The following ZC3H18 variants were observed in gnomAD, a reference collection of about 807,000 sequenced individuals.
ZC3H18 encodes zinc finger CCCH domain-containing protein 18.
In ZC3H18, 8 loss-of-function variants were observed where a neutral mutation model predicts 106.1. That is an observed-to-expected ratio of 0.08 (90% CI 0.04 to 0.14). The LOEUF is 0.14. ZC3H18 is among the 10% of genes least tolerant of loss of function. The pLI, the probability that ZC3H18 is intolerant of heterozygous loss-of-function variation, is 1.00. For synonymous variants in ZC3H18, 635 were observed against 522.1 expected (o/e 1.22, Z -2.95); for missense variants, 1,318 against 1,278.4 (o/e 1.03, Z -0.47).
intron 8 of ZC3H18, among the ~76,000 whole-genome samples, chr16:88,618,010 G>C (rs1395872981): frequency 6.6e-6 from 1 of 152,246 alleles, no homozygotes; most frequent in Admixed American, 6.5e-5. Context: ...TTCTGGGTAA[G>C]GGACTAGTGG....
intron 13 of ZC3H18, 186 bp downstream of exon 13, chr16:88,625,453 G>A (rs946942748): frequency 3.0e-4 from 201 of 666,824 alleles, no homozygotes; most frequent in Middle Eastern, 6.5e-4. Context: ...GCCAGGACTC[G>A]TGATAGGAAG....
Position 88,601,853 on chromosome 16 carries a change from A to G in ZC3H18, c.1088+1905A>G, listed in dbSNP as rs565089699. 3.3e-5 allele frequency among the ~76,000 whole-genome samples: 5 copies of G among 151,942 alleles called. No homozygotes were observed. The South Asian group carries it at 6.3e-4, about 19-fold the overall frequency. On this transcript the variant is annotated intron_variant, in intron 6 of 17. Transcript: ENST00000301011. ...ACCTCTGGGAACAGGGTCAGGGTGC[A>G]TGTGTCACAGTGGCGAGGTGCCCTG...
rs750900154 is a variant in ZC3H18 at position 88,627,733 on chromosome 16, C to G, written c.2220C>G (p.Ser740=). Residue 740 remains serine (S), a synonymous_variant, in exon 14 of 18, where the codon TCC becomes TCG. Transcript: ENST00000301011. The surrounding 1 kb of genome is among the most constrained non-coding windows in gnomAD (Gnocchi z 4.5). Reference sequence around the variant, plus strand: ...ACGCAGACCTGGCTAGCCCCGTGTCCTCAGCCAGCTCTCGGTCCCCGGCCC... The same window carrying G: ...ACGCAGACCTGGCTAGCCCCGTGTCGTCAGCCAGCTCTCGGTCCCCGGCCC... ...DMYADLASPV[S]SASSRSPAPA... is the part of the protein sequence containing the mutation. 1 of 1,613,286 alleles carries G rather than the reference C, an allele frequency of 6.2e-7. No homozygotes were observed.
At chr16:88,597,104 G>A (rs1044141995) in intron 3 of ZC3H18, among the ~76,000 whole-genome samples, 1 of 152,102 alleles carries the variant, frequency 6.6e-6, no homozygotes, top group Non-Finnish European at 1.5e-5. Flanking sequence ...GTATTTTTTA[G>A]TAGAGACGGG....
At chr16:88,571,569 C>T in intron 1 of ZC3H18, 4 of 969,068 alleles carry the variant, frequency 4.1e-6, no homozygotes, top group Non-Finnish European at 4.9e-6. Context: ...AGCCCTGGAA[C>T]CAGTCAAATG....
chr16:88,621,895 T>C (rs191399575), intron 8 of ZC3H18, among the ~76,000 whole-genome samples: 1 of 152,200 alleles, frequency 6.6e-6, no homozygotes, highest in African/African-American at 2.4e-5. Flanking sequence ...GACAGCGTAG[T>C]TGGAAAGATG....
chr16:88,629,451 G>A (rs1906523259), intron 16 of ZC3H18, among the ~76,000 whole-genome samples: 1 of 152,220 alleles, frequency 6.6e-6, no homozygotes, highest in Non-Finnish European at 1.5e-5. Flanking sequence ...ACTGCAGCTT[G>A]GGCAACAAGA....
rs766492051 is a variant in ZC3H18 at position 88,577,270 on chromosome 16, G to A, written c.147G>A (p.Glu49=). ...CGGGGGTGAGGGCTTCTGATCTGGA[G>A]GATGAGGAAAGTGCAGCCAGGGGGC... The part of the protein sequence containing the change: ...DGAGVRASDL[E]DEESAARGPS... The change falls in exon 2 of 18, where the codon GAG becomes GAA. Residue 49 remains glutamate (E), a synonymous_variant. Transcript: ENST00000301011. 6.8e-6 allele frequency: 11 copies of A among 1,613,578 alleles called. No individual in the cohort carries two copies. The highest frequency in any genetic ancestry group is 8.5e-6 in the Non-Finnish European group (10 of 1,179,812).
intron 3 of ZC3H18, chr16:88,587,637 C>T (rs1468715744): frequency 4.6e-6 from 7 of 1,524,576 alleles, no homozygotes; most frequent in Non-Finnish European, 6.2e-6. Context: ...TATATTCACT[C>T]TCTTCAGTAC....
At chr16:88,582,214 C>CTTTTTTTT (rs1555533198) in intron 2 of ZC3H18, among the ~76,000 whole-genome samples, 1 of 78,854 alleles carries the variant, frequency 1.3e-5, no homozygotes, top group Non-Finnish European at 2.5e-5. Flanking sequence ...TTTCCTTTTT[C>CTTTTTTTT]TTTTCTTTTT....
intron 6 of ZC3H18, among the ~76,000 whole-genome samples, chr16:88,607,168 G>A (rs1485932192): frequency 6.6e-6 from 1 of 152,176 alleles, no homozygotes; most frequent in Non-Finnish European, 1.5e-5. Context: ...AATCCCCTCT[G>A]TCCCTGAGAT....
At chr16:88,604,099 C>G (rs1904891321) in intron 6 of ZC3H18, among the ~76,000 whole-genome samples, 1 of 152,060 alleles carries the variant, frequency 6.6e-6, no homozygotes, top group Non-Finnish European at 1.5e-5. Flanking sequence ...TGTCTATAAT[C>G]CTAGTGTTTT....
intron 8 of ZC3H18, among the ~76,000 whole-genome samples, chr16:88,617,108 G>A (rs898419797): frequency 6.6e-6 from 1 of 152,184 alleles, no homozygotes; most frequent in Non-Finnish European, 1.5e-5. Context: ...GCTATCTGAT[G>A]GCCAGCCCTC....
intron 3 of ZC3H18, among the ~76,000 whole-genome samples, chr16:88,594,385 T>G (rs1340674540): frequency 6.6e-6 from 1 of 152,128 alleles, no homozygotes; most frequent in African/African-American, 2.4e-5. Flanking sequence ...CACAGGGAAT[T>G]GATATTTACT....
At chr16:88,570,877 C>G (rs1250451108) in intron 1 of ZC3H18, among the ~76,000 whole-genome samples, 1 of 152,260 alleles carries the variant, frequency 6.6e-6, no homozygotes, top group Non-Finnish European at 1.5e-5. Context: ...CTCTTCCGGG[C>G]CACTCGCGTG....
At chr16:88,600,071 C>A (rs1904668270) in intron 6 of ZC3H18, 123 bp downstream of exon 6, 1 of 1,243,540 alleles carries the variant, frequency 8.0e-7, no homozygotes, top group Non-Finnish European at 1.1e-6. Flanking sequence ...TCACTGGAGT[C>A]TCAGTGACGT....
intron 3 of ZC3H18, among the ~76,000 whole-genome samples, chr16:88,593,755 G>T (rs1441328462): frequency 1.3e-5 from 2 of 152,224 alleles, no homozygotes; most frequent in African/African-American, 4.8e-5. Flanking sequence ...AAGTGAGCCT[G>T]TGGCTTCAAG....
At chr16:88,604,577 T>C (rs1904918206) in intron 6 of ZC3H18, among the ~76,000 whole-genome samples, 1 of 151,112 alleles carries the variant, frequency 6.6e-6, no homozygotes, top group Non-Finnish European at 1.5e-5. Flanking sequence ...TCCCAGCTAC[T>C]CGGGAGGCTG....
chr16:88,584,400 C>T (rs1394478394), intron 2 of ZC3H18, among the ~76,000 whole-genome samples: 1 of 147,404 alleles, frequency 6.8e-6, no homozygotes, highest in Non-Finnish European at 1.5e-5. Context: ...CCAGCCTGGG[C>T]GACAGAGCAG....
Sources: gnomAD v4.1 joint callset for allele counts (sites outside exome capture counted in the v4.1 genomes callset) on GRCh38, gnomAD v4.1.1 for gene constraint, Gnocchi (gnomAD v3.1) non-coding constraint, MANE v1.5 for transcripts, NCBI Gene and HGNC (gene_info 2026-07-23, HGNC 2026-07-21) for gene names.